Variants in MAN1A2 observed in about 807,000 individuals in gnomAD.
The protein encoded by MAN1A2 is mannosidase alpha class 1A member 2.
Under a neutral mutation model 75.7 loss-of-function variants are expected in MAN1A2, and 26 were observed. That is an observed-to-expected ratio of 0.34 (90% CI 0.25 to 0.48). MAN1A2 has a LOEUF of 0.48. MAN1A2 is among the 20% of genes least tolerant of loss of function. MAN1A2 has a pLI of 0.99. For missense variants in MAN1A2, 562 were observed against 775.5 expected, an observed-to-expected ratio of 0.72 and a Z score of 3.27; for synonymous variants, 247 against 264.6, an observed-to-expected ratio of 0.93 and a Z score of 0.65.
chr1:117,476,946 G>C (rs1217804723), intron 8 of MAN1A2, among the ~76,000 whole-genome samples: 1 of 151,998 alleles, frequency 6.6e-6, no homozygotes, highest in Non-Finnish European at 1.5e-5. Flanking sequence ...AATTACTATG[G>C]GCAGTATGGA....
At chr1:117,454,126 A>G (rs148036911) in intron 6 of MAN1A2, among the ~76,000 whole-genome samples, 11 of 152,360 alleles carry the variant, frequency 7.2e-5, no homozygotes, top group African/African-American at 2.4e-4. Context: ...TAACTTTTAT[A>G]TATACTGAGA....
At chr1:117,508,109 A>G (rs1232956638) in intron 12 of MAN1A2, among the ~76,000 whole-genome samples, 1 of 151,696 alleles carries the variant, frequency 6.6e-6, no homozygotes, top group Admixed American at 6.6e-5. Context: ...ATTATTTTAT[A>G]TATGTACCTT....
intron 1 of MAN1A2, among the ~76,000 whole-genome samples, chr1:117,378,175 C>G (rs1202723639): frequency 1.3e-5 from 2 of 151,996 alleles, no homozygotes; most frequent in Non-Finnish European, 2.9e-5. Context: ...GATAATATTA[C>G]TGAATGTCAG....
chr1:117,374,812 G>A (rs1477241404), intron 1 of MAN1A2, among the ~76,000 whole-genome samples: 1 of 152,182 alleles, frequency 6.6e-6, no homozygotes, highest in South Asian at 2.1e-4. Context: ...GAACTGAAGA[G>A]TGTGCAGTAA....
intron 6 of MAN1A2, among the ~76,000 whole-genome samples, chr1:117,458,516 TATATA>T (rs1649694648): frequency 4.6e-5 from 5 of 108,022 alleles, no homozygotes; most frequent in African/African-American, 2.0e-4. Flanking sequence ...TATATAGATA[TATATA>T]TATTTTTTTT....
intron 1 of MAN1A2, among the ~76,000 whole-genome samples, chr1:117,384,250 A>G (rs1192692459): frequency 6.6e-6 from 1 of 152,058 alleles, no homozygotes; most frequent in Non-Finnish European, 1.5e-5. Context: ...GTAGGTATTT[A>G]CTACTATTAA....
chr1:117,433,066 AATC>A (rs1648726540), intron 5 of MAN1A2, among the ~76,000 whole-genome samples: 1 of 151,706 alleles, frequency 6.6e-6, no homozygotes, highest in South Asian at 2.1e-4. Context: ...AAAGGAGAAA[AATC>A]ATATAATTAT....
At chr1:117,403,127 T>A (rs1647498587) in intron 2 of MAN1A2, among the ~76,000 whole-genome samples, 1 of 152,162 alleles carries the variant, frequency 6.6e-6, no homozygotes, top group African/African-American at 2.4e-5. Context: ...ATACTGCCTG[T>A]GAAGAAAAAT....
intron 6 of MAN1A2, among the ~76,000 whole-genome samples, chr1:117,458,500 T>TATATAG (rs1649679995): frequency 2.9e-5 from 3 of 104,758 alleles, no homozygotes; most frequent in African/African-American, 1.3e-4. Flanking sequence ...TATATATCTA[T>TATATAG]ATATATATAT....
chr1:117,460,708 G>C (rs1428488376), intron 7 of MAN1A2, 96 bp downstream of exon 7: 3 of 1,397,020 alleles, frequency 2.1e-6, no homozygotes, highest in South Asian at 1.9e-5. Context: ...TGCCTTTCTA[G>C]ATATATGTTT....
At chr1:117,473,337 C>A (rs1650220956) in intron 8 of MAN1A2, among the ~76,000 whole-genome samples, 2 of 151,960 alleles carry the variant, frequency 1.3e-5, no homozygotes, top group Non-Finnish European at 2.9e-5. Context: ...TGCCACTACC[C>A]TGAGCCAAGT....
rs377219131 is a variant in MAN1A2 at position 117,493,154 on chromosome 1, A to T, written c.1176A>T (p.Thr392=). 2 of 1,593,548 alleles carry T rather than the reference A, an allele frequency of 1.3e-6. No individual in the cohort carries two copies. Among genetic ancestry groups the T allele is most frequent in the Non-Finnish European group, 8.6e-7 (1 of 1,162,258 alleles). Residue 392 remains threonine (T), a synonymous_variant, in exon 9 of 13, where the codon ACA becomes ACT. Transcript: ENST00000356554. ...TTTTCTCCTTTGTTACAGATCATACATCTGTCGGTGGCCTGGGAGACAGTT... is the reference window on the plus strand; with the variant it reads ...TTTTCTCCTTTGTTACAGATCATACTTCTGTCGGTGGCCTGGGAGACAGTT... ...PRTGRWGQYH[T]SVGGLGDSFY...
chr1:117,432,572 G>A (rs1648706009), intron 5 of MAN1A2, among the ~76,000 whole-genome samples: 1 of 152,122 alleles, frequency 6.6e-6, no homozygotes, highest in Non-Finnish European at 1.5e-5. Context: ...ACTGAGTCAA[G>A]GTAAAGCAAG....
At chr1:117,433,285 T>C (rs1057382543) in intron 5 of MAN1A2, among the ~76,000 whole-genome samples, 2 of 152,118 alleles carry the variant, frequency 1.3e-5, no homozygotes, top group African/African-American at 4.8e-5. Context: ...TAAACTGGTG[T>C]AATGCAAATA....
intron 5 of MAN1A2, among the ~76,000 whole-genome samples, chr1:117,438,202 C>T (rs900615046): frequency 6.6e-6 from 1 of 152,088 alleles, no homozygotes; most frequent in African/African-American, 2.4e-5. Flanking sequence ...GATCCTGACC[C>T]TGTGTAGGCC....
At chr1:117,378,297 G>T (rs1653221702) in intron 1 of MAN1A2, among the ~76,000 whole-genome samples, 1 of 151,970 alleles carries the variant, frequency 6.6e-6, no homozygotes, top group Non-Finnish European at 1.5e-5. Flanking sequence ...TCAGTGCATG[G>T]TTTTATATTT....
At chr1:117,497,487 T>A (rs1360437589) in intron 10 of MAN1A2, among the ~76,000 whole-genome samples, 1 of 151,930 alleles carries the variant, frequency 6.6e-6, no homozygotes, top group Non-Finnish European at 1.5e-5. Flanking sequence ...ACTAAAAAGA[T>A]CCTCTGACAT....
chr1:117,369,956 T>C (rs745683558), intron 1 of MAN1A2, among the ~76,000 whole-genome samples: 1 of 152,222 alleles, frequency 6.6e-6, no homozygotes, highest in African/African-American at 2.4e-5. Flanking sequence ...TAATAGTATC[T>C]GTCATGTACT....
At chr1:117,480,871 C>G (rs570560260) in intron 8 of MAN1A2, among the ~76,000 whole-genome samples, 24 of 151,950 alleles carry the variant, frequency 1.6e-4, no homozygotes, top group African/African-American at 5.8e-4. Context: ...TTTGCACACT[C>G]CATTCTATTC....
Sources: allele counts gnomAD v4.1 joint callset (sites outside exome capture counted in the v4.1 genomes callset), GRCh38; gene constraint gnomAD v4.1.1; transcripts MANE v1.5; gene names NCBI Gene and HGNC (gene_info 2026-07-23, HGNC 2026-07-21).